FOCAD: variants seen among roughly 807,000 people sequenced by gnomAD.
The protein encoded by FOCAD is focadhesin.
A neutral mutation model predicts 225.6 loss-of-function variants in FOCAD; 198 were observed. The observed-to-expected ratio is 0.88, with a 90% CI of 0.78 to 0.99. FOCAD has a LOEUF of 0.99. FOCAD is among the 50% of genes least tolerant of loss of function. FOCAD has a pLI of 0.00. For synonymous variants in FOCAD, 897 were observed against 755.0 expected (o/e 1.19, Z -3.08); for missense variants, 2,713 against 2,123.6 (o/e 1.28, Z -5.46).
intron 11 of FOCAD, among the ~76,000 whole-genome samples, chr9:20,802,634 T>C (rs553829395): frequency 3.9e-5 from 6 of 152,304 alleles, no homozygotes; most frequent in African/African-American, 1.4e-4. Flanking sequence ...TTTTCCAATA[T>C]TGTCATATGT....
At chr9:20,868,109 A>T (rs1829447190) in intron 18 of FOCAD, among the ~76,000 whole-genome samples, 1 of 152,088 alleles carries the variant, frequency 6.6e-6, no homozygotes, top group Non-Finnish European at 1.5e-5. Flanking sequence ...TCATACAATT[A>T]AAAAAGATGG....
At chr9:20,707,702 A>T (rs1280136580) in intron 1 of FOCAD, among the ~76,000 whole-genome samples, 1 of 152,090 alleles carries the variant, frequency 6.6e-6, no homozygotes, top group African/African-American at 2.4e-5. Context: ...AGAAAAGGGG[A>T]GGTTGGTCTT....
At chr9:20,714,966 G>A (rs1465481023) in intron 1 of FOCAD, among the ~76,000 whole-genome samples, 1 of 152,144 alleles carries the variant, frequency 6.6e-6, no homozygotes, top group Non-Finnish European at 1.5e-5. Context: ...ATGACCGTTT[G>A]ACTCTTTCTC....
chr9:20,786,615 T>G (rs1187078513), intron 10 of FOCAD, among the ~76,000 whole-genome samples: 1 of 152,238 alleles, frequency 6.6e-6, no homozygotes, highest in African/African-American at 2.4e-5. Flanking sequence ...GTCACTATTA[T>G]AGATTAGTGC....
chr9:20,845,724 G>A (rs1189158631), intron 15 of FOCAD, among the ~76,000 whole-genome samples: 1 of 151,908 alleles, frequency 6.6e-6, no homozygotes, highest in Non-Finnish European at 1.5e-5. Context: ...TATTATACGG[G>A]AGTGCTGCTT....
At chr9:20,926,990 G>T (rs1200982148) in intron 26 of FOCAD, among the ~76,000 whole-genome samples, 1 of 145,800 alleles carries the variant, frequency 6.9e-6, no homozygotes, top group Non-Finnish European at 1.5e-5. Context: ...ACGTACATAT[G>T]CATATATAAT....
intron 6 of FOCAD, among the ~76,000 whole-genome samples, chr9:20,759,694 A>C (rs986999205): frequency 5.9e-5 from 9 of 152,212 alleles, no homozygotes; most frequent in Admixed American, 4.6e-4. Flanking sequence ...TTTTCTTTTA[A>C]AGAGTAAAAG....
chr9:20,969,414 T>C (rs1474526458), intron 35 of FOCAD, among the ~76,000 whole-genome samples: 2 of 152,156 alleles, frequency 1.3e-5, no homozygotes, highest in Admixed American at 6.5e-5. Context: ...CTATTTCTCC[T>C]TTCAATTCTG....
intron 1 of FOCAD, among the ~76,000 whole-genome samples, chr9:20,700,980 G>C (rs900344934): frequency 6.6e-6 from 1 of 152,308 alleles, no homozygotes; most frequent in South Asian, 2.1e-4. Flanking sequence ...TCCCACTTCT[G>C]ATTCTTCTTT....
At chr9:20,777,797 T>A (rs1279566171) in intron 8 of FOCAD, among the ~76,000 whole-genome samples, 1 of 152,192 alleles carries the variant, frequency 6.6e-6, no homozygotes, top group African/African-American at 2.4e-5. Flanking sequence ...CAACTTTCAA[T>A]GGTTTTTAAA....
At chr9:20,969,703 T>TA (rs1839590937) in intron 35 of FOCAD, among the ~76,000 whole-genome samples, 2 of 288 alleles carry the variant, frequency 6.9e-3, no homozygotes, top group Non-Finnish European at 0.015. Context: ...AAAACAAAAA[T>TA]ATAAAAAAAT....
At chr9:20,987,108 A>G (rs1841247780) in intron 40 of FOCAD, among the ~76,000 whole-genome samples, 1 of 152,222 alleles carries the variant, frequency 6.6e-6, no homozygotes, top group Non-Finnish European at 1.5e-5. Flanking sequence ...CCTGAGGGGT[A>G]GATGTGGCTG....
chr9:20,881,937 ACT>A lies in FOCAD; in HGVS notation c.2387_2388del (p.Ser796CysfsTer26). The A allele has an allele frequency of 6.2e-7, 1 of 1,613,828 alleles. No homozygotes were observed. The highest frequency in any genetic ancestry group is 8.5e-7 in the Non-Finnish European group (1 of 1,179,888). ...GTGAATATGCCTCGTGGGATATATC[ACT>A]CTGCATTAAAAGGAGGTGCCCGCTC... On this transcript the variant is annotated frameshift_variant, in exon 20 of 44. Transcript: ENST00000338382. LOFTEE classifies it high-confidence loss of function.
chr9:20,678,228 CAAT>C (rs1822291324), intron 2 of FOCAD, among the ~76,000 whole-genome samples: 1 of 152,098 alleles, frequency 6.6e-6, no homozygotes, highest in Admixed American at 6.5e-5. Flanking sequence ...TAATGTATGT[CAAT>C]ATTAGTAAGG....
At chr9:20,825,238 G>C (rs1353987177) in intron 15 of FOCAD, among the ~76,000 whole-genome samples, 1 of 151,126 alleles carries the variant, frequency 6.6e-6, no homozygotes, top group African/African-American at 2.4e-5. Flanking sequence ...CAGTCATAAA[G>C]TATACTTGGT....
At chr9:20,736,378 T>G (rs1176953749) in intron 4 of FOCAD, among the ~76,000 whole-genome samples, 2 of 152,216 alleles carry the variant, frequency 1.3e-5, no homozygotes, top group Non-Finnish European at 2.9e-5. Flanking sequence ...AATTCACTAT[T>G]TTGAGTTTTA....
chr9:20,991,812 C>CA (rs58403366), intron 42 of FOCAD, among the ~76,000 whole-genome samples: 39,892 of 105,936 alleles, frequency 0.38, 7,246 homozygotes, highest in East Asian at 0.5. Flanking sequence ...GACTCTGTCT[C>CA]AAAAAAAAAA....
At chr9:20,777,946 C>T (rs1381235315) in intron 8 of FOCAD, among the ~76,000 whole-genome samples, 4 of 151,606 alleles carry the variant, frequency 2.6e-5, no homozygotes, top group Admixed American at 6.6e-5. Context: ...AAAAATTAGC[C>T]GGGCGCAGTG....
chr9:20,696,584 G>T (rs1823385340), intron 1 of FOCAD, among the ~76,000 whole-genome samples: 1 of 152,110 alleles, frequency 6.6e-6, no homozygotes, highest in Admixed American at 6.5e-5. Context: ...CAGGTGGATG[G>T]CTTGAGCCCA....
Sources: allele counts gnomAD v4.1 joint callset (sites outside exome capture counted in the v4.1 genomes callset), GRCh38; gene constraint gnomAD v4.1.1; transcripts MANE v1.5; gene names NCBI Gene and HGNC (gene_info 2026-07-23, HGNC 2026-07-21).